Variants in BRAF observed in about 807,000 individuals in gnomAD.
BRAF encodes B-Raf proto-oncogene, serine/threonine kinase, also known as serine/threonine-protein kinase B-raf.
In BRAF, 16 loss-of-function variants were observed where a neutral mutation model predicts 104.6. The ratio of observed to expected loss-of-function variants is 0.15; its 90% CI spans 0.10 to 0.23. The LOEUF is 0.23. Ranked by LOEUF, BRAF falls within the 10% of genes least tolerant of loss-of-function variation. The probability of loss-of-function intolerance (pLI) is 1.00; values close to 1 mark genes in which losing one functional copy is unlikely to be tolerated. For synonymous variants in BRAF, 310 were observed against 341.6 expected (o/e 0.91, Z 1.02); for missense variants, 541 against 937.3 (o/e 0.58, Z 5.52).
chr7:140,769,412 C>A (rs1003732124), intron 14 of BRAF, among the ~76,000 whole-genome samples: 1 of 152,102 alleles, frequency 6.6e-6, no homozygotes, highest in Non-Finnish European at 1.5e-5. Flanking sequence ...GTACTTGATT[C>A]CTGGAGATAA....
chr7:140,907,446 A>C (rs1027477078), intron 1 of BRAF, among the ~76,000 whole-genome samples: 1 of 152,152 alleles, frequency 6.6e-6, no homozygotes, highest in Non-Finnish European at 1.5e-5. Flanking sequence ...TACTTTTAGT[A>C]GAGGTGGGGT....
At chr7:140,797,123 C>T (rs1802573046) in intron 7 of BRAF, among the ~76,000 whole-genome samples, 1 of 152,148 alleles carries the variant, frequency 6.6e-6, no homozygotes, top group South Asian at 2.1e-4. Context: ...CTGTACCTAT[C>T]TTGCAGTAAA....
chr7:140,768,249 A>AACATGATT (rs1242210909), intron 14 of BRAF, among the ~76,000 whole-genome samples: 1 of 69,006 alleles, frequency 1.4e-5, no homozygotes, highest in Non-Finnish European at 2.7e-5. Context: ...ATTTCCTCGT[A>AACATGATT]ACATGATTTT....
In BRAF at chr7:140,753,266, A is replaced by T. The variant is rs2128998075; in HGVS notation, c.1980+9T>A. 3 of 1,593,406 alleles carry T rather than the reference A, an allele frequency of 1.9e-6. No individual in the cohort carries two copies. In the South Asian group the frequency reaches 3.3e-5, roughly 18 times the overall value. ...ATTTAATCAGTGGAAAAATAGCCTC[A>T]ATTCTTACCATCCACAAAATGGATC... On this transcript the variant is annotated intron_variant, in intron 16 of 19. Transcript: ENST00000644969.
At chr7:140,864,068 C>T (rs1314087895) in intron 1 of BRAF, among the ~76,000 whole-genome samples, 1 of 152,078 alleles carries the variant, frequency 6.6e-6, no homozygotes, top group Non-Finnish European at 1.5e-5. Context: ...TATTATAGTA[C>T]CTCTAATTAT....
chr7:140,797,628 G>C (rs1025113231), intron 7 of BRAF, among the ~76,000 whole-genome samples: 1 of 152,112 alleles, frequency 6.6e-6, no homozygotes, highest in Non-Finnish European at 1.5e-5. Flanking sequence ...AAATATTCAT[G>C]GCACAGGCAA....
At chr7:140,753,439 T>A (rs2128998631) in intron 15 of BRAF, 46 bp from the exon 15 acceptor site, 2 of 1,253,480 alleles carry the variant, frequency 1.6e-6, no homozygotes, top group Non-Finnish European at 2.3e-6. Flanking sequence ...CATTTTCCTA[T>A]CAGAGCAAGC....
At chr7:140,856,117 A>G (rs939349006) in intron 1 of BRAF, among the ~76,000 whole-genome samples, 2 of 148,814 alleles carry the variant, frequency 1.3e-5, no homozygotes, top group Non-Finnish European at 3.0e-5. Context: ...ATAATAGTAT[A>G]TATAAATATA....
intron 3 of BRAF, among the ~76,000 whole-genome samples, chr7:140,815,791 C>T (rs10227524): frequency 0.028 from 4,212 of 152,110 alleles, 202 homozygotes; most frequent in African/African-American, 0.095. Flanking sequence ...TTATAACATG[C>T]TTTCATTAAA....
intron 8 of BRAF, among the ~76,000 whole-genome samples, chr7:140,792,896 T>C (rs1051816229): frequency 5.3e-5 from 8 of 152,218 alleles, no homozygotes; most frequent in African/African-American, 1.9e-4. Context: ...CTAAAAGTTT[T>C]GGAACAAGAG....
chr7:140,798,740 A>T (rs1802771027), intron 7 of BRAF, among the ~76,000 whole-genome samples: 1 of 151,964 alleles, frequency 6.6e-6, no homozygotes, highest in African/African-American at 2.4e-5. Context: ...AGATCACCTG[A>T]GGCCAGGAGT....
At position 140,834,808 on chromosome 7, in the gene BRAF, G is replaced by C. The variant is rs774142136; in HGVS notation, c.305C>G (p.Ser102Cys). The C allele has an allele frequency of 6.2e-7, 1 of 1,614,140 alleles. No homozygotes were observed. The highest frequency in any genetic ancestry group is 8.5e-7 in the Non-Finnish European group (1 of 1,179,976). The part of the protein sequence containing the change: ...LQQREQQLLE[S>C]LGNGTDFSVS... The stretch of plus-strand genomic sequence containing the variant: ...AGAAAAATCAGTTCCGTTCCCCAGA[G>C]ATTCCAATAACTGTTGTTCTCTTTG... The change falls in exon 3 of 20, where the codon TCT becomes TGT. Residue 102 changes from serine to cysteine, a missense_variant. Physicochemically the swap from Ser to Cys is moderately radical, Grantham distance 112. Transcript: ENST00000644969.
chr7:140,818,579 CTAG>C (rs1401891725), intron 3 of BRAF, among the ~76,000 whole-genome samples: 1 of 152,144 alleles, frequency 6.6e-6, no homozygotes, highest in Non-Finnish European at 1.5e-5. Context: ...TCCCAAAGTG[CTAG>C]GATTACAGGC....
chr7:140,900,216 T>C (rs1815445555), intron 1 of BRAF, among the ~76,000 whole-genome samples: 1 of 152,264 alleles, frequency 6.6e-6, no homozygotes, highest in Admixed American at 6.5e-5. Context: ...GCCTTGCCTT[T>C]TGAGTGTCTT....
chr7:140,763,963 C>T (rs1279404582), intron 14 of BRAF, among the ~76,000 whole-genome samples: 1 of 152,192 alleles, frequency 6.6e-6, no homozygotes, highest in East Asian at 1.9e-4. Context: ...CAGAATCATC[C>T]TGATACCAAA....
intron 14 of BRAF, among the ~76,000 whole-genome samples, chr7:140,763,406 G>A (rs1275226098): frequency 1.3e-5 from 2 of 151,032 alleles, no homozygotes; most frequent in African/African-American, 4.9e-5. Context: ...CCCAGTAGGG[G>A]CGGCCGGGCA....
Position 140,723,465 on chromosome 7 carries a change from G to A in BRAF, c.*3029C>T. The A allele has an allele frequency of 9.5e-7, 1 of 1,053,298 alleles. No homozygotes were observed. Among genetic ancestry groups the A allele is most frequent in the Non-Finnish European group, 1.1e-6 (1 of 872,440 alleles). 65.2% of individuals were successfully genotyped at this position (1,053,298 alleles called of 1,614,324 possible). A position where few individuals can be genotyped will look rare whatever the true frequency, so the allele number is the denominator to read the frequency against. ...AATACAATCAGGGGTGAGATATTCG[G>A]GAACCAGAATTTGACAGCTAGACAG... On this transcript the variant is annotated 3_prime_UTR_variant, in exon 20 of 20. Transcript: ENST00000644969.
At chr7:140,764,650 A>G (rs1799125375) in intron 14 of BRAF, among the ~76,000 whole-genome samples, 1 of 152,224 alleles carries the variant, frequency 6.6e-6, no homozygotes, top group Non-Finnish European at 1.5e-5. Context: ...CTTATACACC[A>G]ATAACAGACA....
chr7:140,885,178 T>G (rs1453733872), intron 1 of BRAF, among the ~76,000 whole-genome samples: 1 of 152,090 alleles, frequency 6.6e-6, no homozygotes, highest in Non-Finnish European at 1.5e-5. Context: ...AGCTACCATA[T>G]TTTTGGTAAA....
Sources: allele counts gnomAD v4.1 joint callset (sites outside exome capture counted in the v4.1 genomes callset), GRCh38; gene constraint gnomAD v4.1.1; transcripts MANE v1.5; gene names NCBI Gene and HGNC (gene_info 2026-07-23, HGNC 2026-07-21).